The following DCLK2 variants were observed in gnomAD, a reference collection of about 807,000 sequenced individuals.
DCLK2 encodes doublecortin like kinase 2.
DCLK2 carries 31 observed loss-of-function variants against 78.4 expected under a neutral mutation model. That is an observed-to-expected ratio of 0.40 (90% CI 0.30 to 0.53). The LOEUF (loss-of-function observed/expected upper bound fraction) is 0.53. DCLK2 is among the 20% of genes least tolerant of loss of function. DCLK2 has a pLI of 0.61. For synonymous variants in DCLK2, 407 were observed against 374.9 expected (o/e 1.09, Z -0.99); for missense variants, 872 against 973.7 (o/e 0.90, Z 1.39).
At chr4:150,241,454 A>G (rs1450338260) in intron 12 of DCLK2, among the ~76,000 whole-genome samples, 1 of 152,138 alleles carries the variant, frequency 6.6e-6, no homozygotes. Context: ...TCATCTAACC[A>G]TGCATGTTCT....
At chr4:150,091,755 T>A (rs1250225666) in intron 1 of DCLK2, among the ~76,000 whole-genome samples, 1 of 145,820 alleles carries the variant, frequency 6.9e-6, no homozygotes, top group Non-Finnish European at 1.5e-5. Flanking sequence ...TTCTTTGTCC[T>A]AAAAGGAACA....
intron 1 of DCLK2, among the ~76,000 whole-genome samples, chr4:150,094,604 T>C (rs1053680110): frequency 6.6e-6 from 1 of 152,224 alleles, no homozygotes; most frequent in African/African-American, 2.4e-5. Context: ...TTCAGGAGCC[T>C]GACCCTGAGC....
At chr4:150,221,228 G>GTAGAATTTTCTCTAC (rs1741163001) in intron 6 of DCLK2, among the ~76,000 whole-genome samples, 1 of 151,852 alleles carries the variant, frequency 6.6e-6, no homozygotes, top group Non-Finnish European at 1.5e-5. Flanking sequence ...TCTTATCTGG[G>GTAGAATTTTCTCTAC]TAGAATTTTC....
At chr4:150,114,236 G>A (rs1217185139) in intron 2 of DCLK2, among the ~76,000 whole-genome samples, 2 of 152,136 alleles carry the variant, frequency 1.3e-5, no homozygotes, top group East Asian at 1.9e-4. Flanking sequence ...TGAATAGAAT[G>A]TTCTGTAAAT....
In DCLK2 at chr4:150,214,834, C is replaced by CAGGGA. The variant is rs1291662223; in HGVS notation, c.1057-5869_1057-5868insAGGGA. Among the ~76,000 whole-genome samples the CAGGGA allele has an allele frequency of 2.6e-5, 4 of 151,810 alleles. No individual in the cohort carries two copies. The East Asian group carries it at 7.8e-4, about 30-fold the overall frequency. On this transcript the variant is annotated intron_variant, in intron 5 of 15. Transcript: ENST00000296550. ...AAAATTAGCCAGGCGTGGTGGCACACGCCTGTAATCCCAGCTACTCGGGAG... is the reference window on the plus strand; with the variant it reads ...AAAATTAGCCAGGCGTGGTGGCACACAGGGAGCCTGTAATCCCAGCTACTCGGGAG...
intron 2 of DCLK2, among the ~76,000 whole-genome samples, chr4:150,107,362 G>T (rs1731332589): frequency 6.8e-6 from 1 of 146,908 alleles, no homozygotes; most frequent in African/African-American, 2.5e-5. Context: ...TGGTTTGTAG[G>T]GTTTTTTTGG....
intron 2 of DCLK2, among the ~76,000 whole-genome samples, chr4:150,154,530 A>G (rs569426354): frequency 6.6e-6 from 1 of 152,326 alleles, no homozygotes; most frequent in African/African-American, 2.4e-5. Flanking sequence ...TAGATCCAGT[A>G]TGAATTTCTA....
intron 15 of DCLK2, chr4:150,253,376 G>C (rs575261957): frequency 9.7e-6 from 12 of 1,234,248 alleles, no homozygotes; most frequent in Non-Finnish European, 1.2e-5. Context: ...CCAGAGCTGG[G>C]GCCTGAGACT....
At chr4:150,238,095 CAT>C (rs760943283) in intron 10 of DCLK2, among the ~76,000 whole-genome samples, 1 of 152,144 alleles carries the variant, frequency 6.6e-6, no homozygotes, top group Non-Finnish European at 1.5e-5. Context: ...GAAACCAACA[CAT>C]GTTCATTGTA....
intron 15 of DCLK2, 125 bp from the exon 16 acceptor site, chr4:150,255,895 C>A: frequency 6.9e-7 from 1 of 1,441,840 alleles, no homozygotes; most frequent in Admixed American, 2.5e-5. Flanking sequence ...CTGTTAGAAG[C>A]TTGGCGTTAT....
At chr4:150,253,097 GTCCTCCTCA>G (rs56775129) in intron 15 of DCLK2, among the ~76,000 whole-genome samples, 28,731 of 146,688 alleles carry the variant, frequency 0.2, 3,332 homozygotes, top group Non-Finnish European at 0.27. Context: ...CATCCTCCTC[GTCCTCCTCA>G]TCCTCCTCAT....
chr4:150,086,975 A>T (rs72730325), intron 1 of DCLK2, among the ~76,000 whole-genome samples: 20,849 of 152,162 alleles, frequency 0.14, 1,824 homozygotes, highest in Non-Finnish European at 0.19. Context: ...TAATTTTTTC[A>T]TGCTTAATTT....
At chr4:150,086,465 G>C (rs2150133122) in intron 1 of DCLK2, among the ~76,000 whole-genome samples, 1 of 151,782 alleles carries the variant, frequency 6.6e-6, no homozygotes, top group South Asian at 2.1e-4. Flanking sequence ...TGTCTGACTT[G>C]AGTTTTCTCT....
intron 6 of DCLK2, 87 bp from the exon 7 acceptor site, chr4:150,221,590 C>A: frequency 4.0e-6 from 3 of 753,814 alleles, no homozygotes; most frequent in Non-Finnish European, 6.2e-6. Context: ...GAAATAAATG[C>A]ATCGCAGTTT....
Position 150,203,860 on chromosome 4 carries a change from A to C in DCLK2, c.1027A>C (p.Thr343Pro), listed in dbSNP as rs1471517126. 2.5e-6 allele frequency: 4 copies of C among 1,613,842 alleles called. No homozygotes were observed. The highest frequency in any genetic ancestry group is 1.3e-5 in the African/African-American group (1 of 74,992). The change falls in exon 5 of 16, where the codon ACT (threonine) becomes CCT (proline). Residue 343 changes from threonine (T) to proline (P), a missense_variant. This residue lies in a region of DCLK2 where 567 missense variants were observed against 593.4 expected (regional missense o/e 0.96). Coordinates refer to ENST00000296550, the MANE Select transcript of DCLK2 (RefSeq NM_001040260.4). ...TACGAAATCCTCCAGTTCCTCTCCA[A>C]CTAGTCCAGGAAGTTTCAGAGGATT... ...KSTKSSSSSP[T>P]SPGSFRGLKQ... is the part of the protein sequence containing the mutation.
intron 15 of DCLK2, 43 bp downstream of exon 15, chr4:150,249,727 C>G: frequency 5.8e-6 from 9 of 1,548,122 alleles, no homozygotes; most frequent in Non-Finnish European, 7.1e-6. Context: ...CGGAGCCGGC[C>G]TTGAAGTTTT....
chr4:150,086,558 G>GTGCAGTGGCGCAATCTCGGCTGAC (rs1729660542), intron 1 of DCLK2, among the ~76,000 whole-genome samples: 1 of 150,390 alleles, frequency 6.6e-6, no homozygotes, highest in African/African-American at 2.5e-5. Flanking sequence ...CCAGGCTGGA[G>GTGCAGTGGCGCAATCTCGGCTGAC]TGCAGTGGCG....
intron 10 of DCLK2, among the ~76,000 whole-genome samples, chr4:150,237,203 G>A (rs1413180835): frequency 6.6e-6 from 1 of 150,732 alleles, no homozygotes; most frequent in Admixed American, 6.7e-5. Context: ...TCCAAAGTCT[G>A]GGTTTTGGTA....
rs6813035 is a variant in DCLK2, at chr4:150,240,350, G to A, written c.1701-49G>A. ...GGCAATACTCCAGTACCATGGAAGGGTCTTGGGAGCCATCAGTTCTCTCCC... is the reference window on the plus strand; with the variant it reads ...GGCAATACTCCAGTACCATGGAAGGATCTTGGGAGCCATCAGTTCTCTCCC... On this transcript the variant is annotated intron_variant, in intron 11 of 15. Transcript: ENST00000296550. The A allele has an allele frequency of 3.9e-6, 6 of 1,545,038 alleles. No homozygotes were observed. The African/African-American group carries it at 8.2e-5, about 21-fold the overall frequency.
Sources: allele counts gnomAD v4.1 joint callset (sites outside exome capture counted in the v4.1 genomes callset), GRCh38; gene constraint gnomAD v4.1.1; regional missense constraint gnomAD v4.1.1; transcripts MANE v1.5; gene names NCBI Gene and HGNC (gene_info 2026-07-23, HGNC 2026-07-21).